The following RNLS variants were observed in gnomAD, a reference collection of about 807,000 sequenced individuals.
The protein encoded by RNLS is renalase, FAD dependent amine oxidase.
In RNLS, 39 loss-of-function variants were observed where a neutral mutation model predicts 39.8. The ratio of observed to expected loss-of-function variants is 0.98; its 90% CI spans 0.76 to 1.28. RNLS has a LOEUF of 1.28. Among genes scored for constraint, RNLS ranks in the 50% most tolerant of loss-of-function variants. RNLS has a pLI of 0.00. For synonymous variants in RNLS, 147 were observed against 150.7 expected, an observed-to-expected ratio of 0.98 and a Z score of 0.18; for missense variants, 410 against 413.3, an observed-to-expected ratio of 0.99 and a Z score of 0.07.
chr10:88,334,013 A>G (rs1205376288), intron 5 of RNLS, among the ~76,000 whole-genome samples: 1 of 152,210 alleles, frequency 6.6e-6, no homozygotes, highest in Non-Finnish European at 1.5e-5. Context: ...TGTCTAAGGT[A>G]TTTTGTTATA....
At chr10:88,526,365 T>C (rs1253520062) in intron 4 of RNLS, among the ~76,000 whole-genome samples, 8 of 151,946 alleles carry the variant, frequency 5.3e-5, no homozygotes, top group Admixed American at 5.3e-4. Context: ...ATTGTGTTTA[T>C]TTACGCTTCC....
At chr10:88,303,709 C>T (rs1266934631) in intron 6 of RNLS, among the ~76,000 whole-genome samples, 1 of 152,144 alleles carries the variant, frequency 6.6e-6, no homozygotes, top group African/African-American at 2.4e-5. Flanking sequence ...ACAAAACCAG[C>T]CAGCCTTACC....
intron 4 of RNLS, among the ~76,000 whole-genome samples, chr10:88,535,704 A>C (rs991689129): frequency 1.3e-5 from 2 of 152,142 alleles, no homozygotes; most frequent in Non-Finnish European, 2.9e-5. Context: ...ACAAAATGAG[A>C]GTAGTGCTTG....
At chr10:88,217,941 G>A in the RNLS span, among the ~76,000 whole-genome samples, 6 of 152,118 alleles carry the variant, frequency 3.9e-5, no homozygotes, top group Non-Finnish European at 8.8e-5. Context: ...TCAGCAGGCT[G>A]AGGTGAGAGA....
At chr10:88,355,862 A>G (rs528032172) in intron 5 of RNLS, among the ~76,000 whole-genome samples, 14 of 152,328 alleles carry the variant, frequency 9.2e-5, no homozygotes, top group Admixed American at 4.6e-4. Flanking sequence ...GGCTCCACCC[A>G]GTTCGAGCTT....
At chr10:88,184,903 G>A in the RNLS span, among the ~76,000 whole-genome samples, 1 of 152,106 alleles carries the variant, frequency 6.6e-6, no homozygotes, top group Admixed American at 6.6e-5. Flanking sequence ...AATGCTCAGA[G>A]GCCGTGGAGA....
downstream of RNLS, among the ~76,000 whole-genome samples, chr10:88,269,665 G>T (rs533463933): frequency 6.6e-5 from 10 of 152,168 alleles, no homozygotes; most frequent in African/African-American, 2.4e-4. Context: ...GGCAACAGGG[G>T]CCTGAGAAGT....
intron 4 of RNLS, among the ~76,000 whole-genome samples, chr10:88,430,819 C>T (rs1855092842): frequency 6.6e-6 from 1 of 151,656 alleles, no homozygotes; most frequent in African/African-American, 2.4e-5. Flanking sequence ...GACAAACCTT[C>T]CATTTATGGG....
intron 4 of RNLS, among the ~76,000 whole-genome samples, chr10:88,478,646 C>T (rs1463459019): frequency 6.6e-6 from 1 of 152,074 alleles, no homozygotes; most frequent in Non-Finnish European, 1.5e-5. Flanking sequence ...GCTTATCCAT[C>T]CTCAACTGCC....
intron 4 of RNLS, among the ~76,000 whole-genome samples, chr10:88,488,546 C>CAAAAAAAAAAAAAAA (rs3033822): frequency 1.3e-5 from 1 of 79,036 alleles, no homozygotes; most frequent in African/African-American, 5.7e-5. Context: ...AACTCCGTCT[C>CAAAAAAAAAAAAAAA]AAAAAAAAAA....
At chr10:88,517,258 C>T (rs772626174) in intron 4 of RNLS, among the ~76,000 whole-genome samples, 2 of 151,894 alleles carry the variant, frequency 1.3e-5, no homozygotes, top group Admixed American at 6.6e-5. Flanking sequence ...TACAAACAGA[C>T]TTTACATAAT....
chr10:88,436,694 T>C (rs980690297), intron 4 of RNLS, among the ~76,000 whole-genome samples: 6 of 152,158 alleles, frequency 3.9e-5, no homozygotes, highest in African/African-American at 1.2e-4. Context: ...TCTTTGGGCG[T>C]CAAGTTGGTC....
intron 6 of RNLS, among the ~76,000 whole-genome samples, chr10:88,308,592 C>A (rs1378826645): frequency 6.6e-6 from 1 of 152,050 alleles, no homozygotes; most frequent in Non-Finnish European, 1.5e-5. Context: ...AATCTCACAC[C>A]AGTCAGAATG....
At chr10:88,563,763 A>C (rs887904990) in intron 4 of RNLS, among the ~76,000 whole-genome samples, 13 of 152,182 alleles carry the variant, frequency 8.5e-5, no homozygotes, top group Admixed American at 5.9e-4. Flanking sequence ...GGTACCCCCA[A>C]GATCTTTATT....
At chr10:88,248,626 G>A in the RNLS span, among the ~76,000 whole-genome samples, 2 of 152,036 alleles carry the variant, frequency 1.3e-5, no homozygotes, top group African/African-American at 2.4e-5. Flanking sequence ...CAAGTTCTGG[G>A]CAAAAATGTC....
the RNLS span, among the ~76,000 whole-genome samples, chr10:88,237,573 A>G: frequency 1.3e-5 from 2 of 152,212 alleles, no homozygotes; most frequent in Admixed American, 6.5e-5. Flanking sequence ...TCCCTCTTAA[A>G]TACTGATGTC....
At chr10:88,418,010 AT>A (rs1284778238) in intron 4 of RNLS, among the ~76,000 whole-genome samples, 2 of 152,082 alleles carry the variant, frequency 1.3e-5, no homozygotes, top group Non-Finnish European at 2.9e-5. Flanking sequence ...AAATATTCAC[AT>A]AAAATGAAGC....
chr10:88,529,853 T>G (rs1359824379), intron 4 of RNLS, among the ~76,000 whole-genome samples: 1 of 152,200 alleles, frequency 6.6e-6, no homozygotes. Context: ...AGATCTGAAG[T>G]CCTCTGAAAT....
intron 5 of RNLS, among the ~76,000 whole-genome samples, chr10:88,353,889 T>C (rs1220718398): frequency 6.6e-6 from 1 of 152,244 alleles, no homozygotes; most frequent in Admixed American, 6.5e-5. Flanking sequence ...TGAATCTGGG[T>C]GCTCCTGTAT....
Sources: gnomAD v4.1 joint callset for allele counts (sites outside exome capture counted in the v4.1 genomes callset) on GRCh38, gnomAD v4.1.1 for gene constraint, MANE v1.5 for transcripts, NCBI Gene and HGNC (gene_info 2026-07-23, HGNC 2026-07-21) for gene names.